The following IL1RAPL2 variants were observed in gnomAD, a reference collection of about 807,000 sequenced individuals.
The protein encoded by IL1RAPL2 is X-linked interleukin-1 receptor accessory protein-like 2.
IL1RAPL2 carries 3 observed loss-of-function variants against 44.1 expected under a neutral mutation model. That is an observed-to-expected ratio of 0.07 (90% CI 0.03 to 0.18). The LOEUF is 0.18. Ranked by LOEUF, IL1RAPL2 falls within the 10% of genes least tolerant of loss-of-function variation. The pLI is 1.00. For synonymous variants in IL1RAPL2, 181 were observed against 178.8 expected, an observed-to-expected ratio of 1.01 and a Z score of -0.10; for missense variants, 391 against 496.4, an observed-to-expected ratio of 0.79 and a Z score of 2.02.
chrX:105,654,826 C>T (rs1208469407), intron 6 of IL1RAPL2, among the ~76,000 whole-genome samples: 1 of 111,756 alleles, frequency 8.9e-6, no homozygotes, highest in Non-Finnish European at 1.9e-5. Context: ...TACACATCAA[C>T]TTGTTCTCCT....
At chrX:105,510,572 C>T (rs1409732802) in intron 6 of IL1RAPL2, among the ~76,000 whole-genome samples, 1 of 111,686 alleles carries the variant, frequency 9.0e-6, no homozygotes, top group Non-Finnish European at 1.9e-5. Flanking sequence ...ATCACCTTCA[C>T]GGCAAAGGTG....
chrX:105,340,738 G>C (rs942239645), intron 5 of IL1RAPL2, among the ~76,000 whole-genome samples: 29 of 111,886 alleles, frequency 2.6e-4, no homozygotes, highest in African/African-American at 9.4e-4. Context: ...TATGCAACTT[G>C]TCCCCACTCC....
intron 2 of IL1RAPL2, among the ~76,000 whole-genome samples, chrX:105,086,839 C>T (rs1003753517): frequency 5.5e-5 from 6 of 109,680 alleles, no homozygotes. Flanking sequence ...CCATATATGG[C>T]AATTGGCTAT....
intron 6 of IL1RAPL2, among the ~76,000 whole-genome samples, chrX:105,563,143 G>A (rs1053157632): frequency 1.3e-4 from 14 of 111,646 alleles, no homozygotes; most frequent in African/African-American, 2.9e-4. Flanking sequence ...TTTATTGAGC[G>A]CCTATCATGT....
intron 2 of IL1RAPL2, among the ~76,000 whole-genome samples, chrX:104,904,802 C>A (rs1445191089): frequency 2.8e-5 from 3 of 107,974 alleles, no homozygotes; most frequent in Non-Finnish European, 5.7e-5. Flanking sequence ...ATTTATAGTC[C>A]TTTGGGTATA....
intron 2 of IL1RAPL2, among the ~76,000 whole-genome samples, chrX:105,113,794 T>A (rs1338917398): frequency 8.9e-6 from 1 of 112,238 alleles, no homozygotes. Context: ...TCATTCCTTT[T>A]TCTTCTCCAT....
chrX:105,360,247 C>A (rs1474540723), intron 5 of IL1RAPL2, among the ~76,000 whole-genome samples: 2 of 110,948 alleles, frequency 1.8e-5, no homozygotes, highest in African/African-American at 3.3e-5. Context: ...GCAGTGAACT[C>A]AAAAAAATGG....
intron 2 of IL1RAPL2, among the ~76,000 whole-genome samples, chrX:105,106,090 A>G (rs1229440103): frequency 8.9e-6 from 1 of 112,107 alleles, no homozygotes; most frequent in Non-Finnish European, 1.9e-5. Context: ...AGGAGCCTCA[A>G]TGCATGAAAG....
chrX:104,714,031 T>A (rs1233759230), intron 2 of IL1RAPL2, among the ~76,000 whole-genome samples: 1 of 110,907 alleles, frequency 9.0e-6, no homozygotes, highest in Non-Finnish European at 1.9e-5. Context: ...ACTATGGGGT[T>A]TTTTTAGATA....
chrX:104,757,977 A>G (rs1932367777), intron 2 of IL1RAPL2, among the ~76,000 whole-genome samples: 1 of 112,021 alleles, frequency 8.9e-6, no homozygotes, highest in South Asian at 3.7e-4. Context: ...TCAAGGACTG[A>G]CAATACAGAT....
intron 2 of IL1RAPL2, among the ~76,000 whole-genome samples, chrX:104,672,428 A>G (rs1323816082): frequency 9.1e-6 from 1 of 110,401 alleles, no homozygotes; most frequent in Non-Finnish European, 1.9e-5. Context: ...ACATGAACTC[A>G]TCATTTTTTA....
At position 105,029,289 on chromosome X, in the gene IL1RAPL2, T is replaced by C. The variant is rs746350247; in HGVS notation, c.83-166186T>C. Among the ~76,000 whole-genome samples the C allele has an allele frequency of 3.7e-3, 390 of 106,318 alleles. 1 individual carries two copies. The highest frequency in any genetic ancestry group is 0.013 in the African/African-American group (376 of 29,402). The allele number at this position is 106,318 out of a possible 115,157, so 92.3% of individuals were successfully genotyped here. Reference sequence around the variant, plus strand: ...ATTATACTTTAAGTTTTAGGGTACATGTGCACAATGTGCAGGTTTGTTACA... The same window carrying C: ...ATTATACTTTAAGTTTTAGGGTACACGTGCACAATGTGCAGGTTTGTTACA... On this transcript the variant is annotated intron_variant, in intron 2 of 10. Coordinates refer to ENST00000372582, the MANE Select transcript of IL1RAPL2 (RefSeq NM_017416.2).
intron 2 of IL1RAPL2, among the ~76,000 whole-genome samples, chrX:104,950,387 G>A (rs144031709): frequency 0.019 from 2,139 of 112,511 alleles, 48 homozygotes; most frequent in African/African-American, 0.063. Context: ...AGACAGGGAC[G>A]TTTAAGTCTA....
At position 105,183,093 on chromosome X, in the gene IL1RAPL2, G is replaced by A. The variant is rs782534233; in HGVS notation, c.83-12382G>A. Among the ~76,000 whole-genome samples, 4 of 111,314 alleles carry A rather than the reference G, an allele frequency of 3.6e-5. No individual in the cohort carries two copies. In the East Asian group the frequency reaches 8.5e-4, roughly 24 times the overall value. ...GAGGGTGGTGTTTCAGACTGGGTGG[G>A]CCTATCTCTAGGTCCCCCAGTGGTG... On this transcript the variant is annotated intron_variant, in intron 2 of 10. Transcript: ENST00000372582.
intron 6 of IL1RAPL2, among the ~76,000 whole-genome samples, chrX:105,686,049 G>A (rs2037970359): frequency 9.0e-6 from 1 of 111,197 alleles, no homozygotes; most frequent in Non-Finnish European, 1.9e-5. Context: ...AGCTTCTGAA[G>A]GAAGCACTAA....
chrX:105,307,714 G>T (rs1182089490), intron 5 of IL1RAPL2, among the ~76,000 whole-genome samples: 7 of 85,356 alleles, frequency 8.2e-5, no homozygotes, highest in Non-Finnish European at 1.5e-4. Context: ...TTGATTACTT[G>T]ATGAAGGTAG....
intron 3 of IL1RAPL2, chrX:105,220,508 T>TC: frequency 2.7e-6 from 2 of 741,475 alleles, no homozygotes; most frequent in Admixed American, 7.8e-5. Flanking sequence ...CGCCCTCTTG[T>TC]CCCCGCCCTA....
At chrX:105,226,385 C>CTTTTTTTTT (rs35192051) in intron 3 of IL1RAPL2, among the ~76,000 whole-genome samples, 9 of 53,330 alleles carry the variant, frequency 1.7e-4, no homozygotes, top group Non-Finnish European at 2.6e-4. Flanking sequence ...TTTCTTTTCC[C>CTTTTTTTTT]TTTTTTTTTT....
chrX:105,592,602 G>T (rs1028053439), intron 6 of IL1RAPL2, among the ~76,000 whole-genome samples: 1 of 111,756 alleles, frequency 8.9e-6, no homozygotes, highest in Non-Finnish European at 1.9e-5. Context: ...CTCCCTTAAA[G>T]ATCTCTTGTA....
Sources: allele counts gnomAD v4.1 joint callset (sites outside exome capture counted in the v4.1 genomes callset), GRCh38; gene constraint gnomAD v4.1.1; transcripts MANE v1.5; gene names NCBI Gene and HGNC (gene_info 2026-07-23, HGNC 2026-07-21).